KIF2A: variants seen among roughly 807,000 people sequenced by gnomAD.
The protein encoded by KIF2A is kinesin-like protein KIF2A.
A neutral mutation model predicts 100.2 loss-of-function variants in KIF2A; 22 were observed. That is an observed-to-expected ratio of 0.22 (90% CI 0.16 to 0.31). The LOEUF (loss-of-function observed/expected upper bound fraction) is 0.31. Among genes scored for constraint, KIF2A ranks in the 10% least tolerant of loss-of-function variants. The probability of loss-of-function intolerance (pLI) is 1.00; values close to 1 mark genes in which losing one functional copy is unlikely to be tolerated. For synonymous variants in KIF2A, 268 were observed against 285.9 expected (o/e 0.94, Z 0.63); for missense variants, 495 against 898.7 (o/e 0.55, Z 5.74).
chr5:62,328,498 C>CT (rs1167591209), intron 1 of KIF2A, among the ~76,000 whole-genome samples: 14 of 151,438 alleles, frequency 9.2e-5, no homozygotes, highest in Non-Finnish European at 3.0e-5. Flanking sequence ...TGATTTAATA[C>CT]TCTTTTTTTT....
At chr5:62,340,758 CTAAA>C (rs796898327) in intron 1 of KIF2A, among the ~76,000 whole-genome samples, 34 of 151,618 alleles carry the variant, frequency 2.2e-4, no homozygotes, top group Admixed American at 5.9e-4. Flanking sequence ...ACTTAACTTT[CTAAA>C]TAAATCATTG....
intron 7 of KIF2A, among the ~76,000 whole-genome samples, chr5:62,356,680 T>G (rs536603922): frequency 1.3e-5 from 2 of 152,322 alleles, no homozygotes; most frequent in East Asian, 3.9e-4. Flanking sequence ...CATAGTTATC[T>G]TTGCTAGCAA....
At chr5:62,324,163 C>T (rs1173467509) in intron 1 of KIF2A, among the ~76,000 whole-genome samples, 2 of 151,996 alleles carry the variant, frequency 1.3e-5, no homozygotes, top group African/African-American at 2.4e-5. Flanking sequence ...ACCAAGGAAG[C>T]GAAAGAGCTC....
At chr5:62,354,058 G>T (rs1387013120) in intron 6 of KIF2A, among the ~76,000 whole-genome samples, 1 of 152,086 alleles carries the variant, frequency 6.6e-6, no homozygotes, top group Non-Finnish European at 1.5e-5. Context: ...TTATTTAATA[G>T]TATGTTCAAA....
chr5:62,337,247 A>T (rs961735771), intron 1 of KIF2A, among the ~76,000 whole-genome samples: 1 of 152,094 alleles, frequency 6.6e-6, no homozygotes, highest in African/African-American at 2.4e-5. Context: ...ATCCCAGCAC[A>T]TTGGGAGGCC....
rs1240592001 is a variant in KIF2A at position 62,318,422 on chromosome 5, G to A, written c.64+11886G>A. ...AAGCCCATTGTTTGAAATTATTTTG[G>A]GATTATATATGGGTTGTGTGTTTAT... is the stretch of plus-strand genomic sequence containing the variant. On this transcript the variant is annotated intron_variant, in intron 1 of 20. Coordinates refer to ENST00000407818, the MANE Select transcript of KIF2A (RefSeq NM_001098511.3). 3.9e-5 allele frequency among the ~76,000 whole-genome samples: 6 copies of A among 152,058 alleles called. No individual in the cohort carries two copies. The South Asian group carries it at 1.2e-3, about 31-fold the overall frequency.
intron 20 of KIF2A, among the ~76,000 whole-genome samples, chr5:62,384,632 C>T (rs1741930745): frequency 6.6e-6 from 1 of 152,178 alleles, no homozygotes; most frequent in Non-Finnish European, 1.5e-5. Context: ...TGAAAGATAG[C>T]TTATCTTCAC....
chr5:62,343,011 C>T (rs1747375478), intron 1 of KIF2A, among the ~76,000 whole-genome samples: 3 of 152,162 alleles, frequency 2.0e-5, no homozygotes, highest in Admixed American at 2.0e-4. Flanking sequence ...CTCAGCCTCC[C>T]AAAGTGCTGG....
chr5:62,350,639 C>T (rs544555164), intron 4 of KIF2A, among the ~76,000 whole-genome samples: 6 of 152,116 alleles, frequency 3.9e-5, no homozygotes, highest in African/African-American at 1.2e-4. Context: ...TGTCCAGGTG[C>T]GGTGACTCAG....
Position 62,379,211 on chromosome 5 carries a change from AC to A in KIF2A, c.2013+1450del, listed in dbSNP as rs1296385181. Among the ~76,000 whole-genome samples the A allele has an allele frequency of 4.6e-5, 7 of 152,324 alleles. No homozygotes were observed. In the East Asian group the frequency reaches 1.4e-3, roughly 29 times the overall value. ...TCTGCCATTTTTTAGATAAAATCTT[AC>A]AGCTGTTTATTGGTAAAATTAGGTG... On this transcript the variant is annotated intron_variant, in intron 19 of 20. Transcript: ENST00000407818.
rs577343207 is a variant in KIF2A, at chr5:62,369,106, A to G, written c.1646+2625A>G. ...TCCTCCCTAATATTGTGAAAATGCT[A>G]TATCTAGCTGTTCCTCTAGTTCACT... is the stretch of plus-strand genomic sequence containing the variant. On this transcript the variant is annotated intron_variant, in intron 16 of 20. Transcript: ENST00000407818. 2.1e-3 allele frequency among the ~76,000 whole-genome samples: 317 copies of G among 152,356 alleles called. 1 individual carries two copies. The highest frequency in any genetic ancestry group is 3.3e-3 in the Non-Finnish European group (227 of 68,030).
chr5:62,306,636 G>A, intron 1 of KIF2A, 100 bp downstream of exon 1: 1 of 989,754 alleles, frequency 1.0e-6, no homozygotes, highest in Non-Finnish European at 1.5e-6. Flanking sequence ...GCTTCGCCGG[G>A]CTGTGGGGGT....
intron 1 of KIF2A, among the ~76,000 whole-genome samples, chr5:62,338,353 A>G (rs543685456): frequency 3.9e-5 from 6 of 152,338 alleles, no homozygotes; most frequent in South Asian, 2.1e-4. Context: ...CAGAGGCACA[A>G]TCTTGGCTCA....
chr5:62,391,006 A>G lies in KIF2A; in HGVS notation c.*5437A>G. Reference sequence around the variant, plus strand: ...ATCTATCAATATAAGATTCAGAATAAATGAACGACATATCTTTAATGAGGT... The same window carrying G: ...ATCTATCAATATAAGATTCAGAATAGATGAACGACATATCTTTAATGAGGT... On this transcript the variant is annotated 3_prime_UTR_variant, in exon 21 of 21. Coordinates refer to ENST00000407818, the MANE Select transcript of KIF2A (RefSeq NM_001098511.3). 6.3e-7 allele frequency: 1 copy of G among 1,590,490 alleles called. No homozygotes were observed. Among genetic ancestry groups the G allele is most frequent in the Non-Finnish European group, 8.6e-7 (1 of 1,158,702 alleles).
chr5:62,325,750 C>CT lies in KIF2A; in HGVS notation c.64+19216dup, dbSNP rs554780032. On this transcript the variant is annotated intron_variant, in intron 1 of 20. Transcript: ENST00000407818. The stretch of plus-strand genomic sequence containing the variant: ...AGCAGTGTGGAGATTTCTCAAATAA[C>CT]TTAAAGCTATTCAACCCAACAATCC... Among the ~76,000 whole-genome samples, 143 of 152,328 alleles carry CT rather than the reference C, an allele frequency of 9.4e-4. 1 individual carries two copies. In the Middle Eastern group the frequency reaches 0.01, roughly 11 times the overall value.
At chr5:62,333,327 CTG>C (rs1746750953) in intron 1 of KIF2A, among the ~76,000 whole-genome samples, 1 of 152,112 alleles carries the variant, frequency 6.6e-6, no homozygotes, top group South Asian at 2.1e-4. Context: ...CTTTCCAAAA[CTG>C]TTTGTGAGGC....
Position 62,388,569 on chromosome 5 carries a change from A to G in KIF2A, c.*3000A>G, listed in dbSNP as rs140293762. On this transcript the variant is annotated 3_prime_UTR_variant, in exon 21 of 21. Transcript: ENST00000407818. ...TTACTGTACATGTGAATAACAAGAA[A>G]TGGTACGGGGAATGTGAATAACACG... The G allele has an allele frequency of 4.4e-5, 7 of 158,158 alleles. No homozygotes were observed. The highest frequency in any genetic ancestry group is 1.7e-4 in the African/African-American group (7 of 41,686). The allele number at this position is 158,158 out of a possible 1,614,324, so 9.8% of individuals were successfully genotyped here. A position where few individuals can be genotyped will look rare whatever the true frequency, so the allele number is the denominator to read the frequency against.
intron 1 of KIF2A, among the ~76,000 whole-genome samples, chr5:62,332,601 G>A (rs1746710034): frequency 6.6e-6 from 1 of 151,814 alleles, no homozygotes; most frequent in South Asian, 2.1e-4. Flanking sequence ...CTAAGTTTGG[G>A]GTGAACATTA....
At chr5:62,381,009 A>G in intron 19 of KIF2A, 109 bp from the exon 20 acceptor site, 1 of 795,820 alleles carries the variant, frequency 1.3e-6, no homozygotes, top group Non-Finnish European at 2.0e-6. Context: ...GTCTATTGAC[A>G]TTTTAGAGAA....
Sources: gnomAD v4.1 joint callset for allele counts (sites outside exome capture counted in the v4.1 genomes callset) on GRCh38, gnomAD v4.1.1 for gene constraint, MANE v1.5 for transcripts, NCBI Gene and HGNC (gene_info 2026-07-23, HGNC 2026-07-21) for gene names.